DOCK5: variants seen among roughly 807,000 people sequenced by gnomAD.
DOCK5 encodes dedicator of cytokinesis protein 5.
A neutral mutation model predicts 251.8 loss-of-function variants in DOCK5; 142 were observed. The ratio of observed to expected loss-of-function variants is 0.56; its 90% confidence interval spans 0.49 to 0.65. DOCK5 has a LOEUF of 0.65. DOCK5 is among the 30% of genes least tolerant of loss of function. The pLI is 0.00. For missense variants in DOCK5, 2,111 were observed against 2,312.3 expected, an observed-to-expected ratio of 0.91 and a Z score of 1.79; for synonymous variants, 842 against 835.5, an observed-to-expected ratio of 1.01 and a Z score of -0.13.
At position 25,212,129 on chromosome 8, in the gene DOCK5, C is replaced by G. The variant is rs1294728038; in HGVS notation, c.43+27178C>G. Among the ~76,000 whole-genome samples the G allele has an allele frequency of 1.2e-4, 7 of 56,812 alleles. 1 individual carries two copies. Among genetic ancestry groups the G allele is most frequent in the African/African-American group, 2.7e-4 (7 of 25,466 alleles). The allele number at this position is 56,812 out of a possible 152,430, so 37.3% of individuals were successfully genotyped here. On this transcript the variant is annotated intron_variant, in intron 1 of 51. Coordinates refer to ENST00000276440, the MANE Select transcript of DOCK5 (RefSeq NM_024940.8). ...TGAGCCGAGATTATGCCACTGTTTT[C>G]CAGCCTGGGTGACAGAGCGAGACTC...
intron 1 of DOCK5, among the ~76,000 whole-genome samples, chr8:25,241,034 CTT>C (rs1213765440): frequency 6.6e-6 from 1 of 152,166 alleles, no homozygotes; most frequent in Non-Finnish European, 1.5e-5. Context: ...CTCTTTCTCT[CTT>C]ATAAAGATAT....
intron 1 of DOCK5, among the ~76,000 whole-genome samples, chr8:25,195,699 C>A (rs1306486583): frequency 1.3e-5 from 2 of 152,198 alleles, no homozygotes; most frequent in East Asian, 3.8e-4. Flanking sequence ...TTAGAGAGAG[C>A]CTTCTCTGAG....
At chr8:25,343,275 C>G (rs111570975) in intron 25 of DOCK5, among the ~76,000 whole-genome samples, 17 of 151,936 alleles carry the variant, frequency 1.1e-4, no homozygotes, top group African/African-American at 3.6e-4. Flanking sequence ...TCCCAAAGTA[C>G]TGGGATTACA....
At chr8:25,268,616 T>C (rs1002535225) in intron 2 of DOCK5, among the ~76,000 whole-genome samples, 2 of 152,172 alleles carry the variant, frequency 1.3e-5, no homozygotes, top group African/African-American at 4.8e-5. Context: ...GAGGCTAGGT[T>C]CTAAGTGAAT....
At chr8:25,352,648 A>G (rs1406208689) in intron 27 of DOCK5, among the ~76,000 whole-genome samples, 2 of 152,252 alleles carry the variant, frequency 1.3e-5, no homozygotes, top group African/African-American at 4.8e-5. Flanking sequence ...AGAAAAATTC[A>G]TTTATTTCAC....
chr8:25,356,725 A>G (rs547357509), intron 27 of DOCK5, among the ~76,000 whole-genome samples: 75 of 147,710 alleles, frequency 5.1e-4, no homozygotes, highest in African/African-American at 1.8e-3. Flanking sequence ...ACTTCATGCT[A>G]TACCCACAAA....
chr8:25,372,839 G>A (rs1800898505), intron 35 of DOCK5, 121 bp downstream of exon 35: 2 of 957,208 alleles, frequency 2.1e-6, no homozygotes, highest in South Asian at 3.6e-5. Flanking sequence ...TGTGGAGCCG[G>A]TGTCTTCCTA....
At chr8:25,185,368 C>T (rs967280577) in intron 1 of DOCK5, among the ~76,000 whole-genome samples, 2 of 152,178 alleles carry the variant, frequency 1.3e-5, no homozygotes, top group Non-Finnish European at 2.9e-5. Flanking sequence ...CTCATTGTCC[C>T]AGTGCTTTCT....
chr8:25,332,778 A>G (rs1805712553), intron 20 of DOCK5, 86 bp downstream of exon 20: 1 of 955,788 alleles, frequency 1.0e-6, no homozygotes. Context: ...TTGTGTGAAT[A>G]TCTTCTCACA....
intron 28 of DOCK5, among the ~76,000 whole-genome samples, chr8:25,360,431 TG>T (rs569506296): frequency 8.6e-4 from 130 of 150,942 alleles, no homozygotes; most frequent in African/African-American, 3.0e-3. Context: ...GTATGGGGGG[TG>T]GGGGGTGGAG....
At chr8:25,203,064 A>G (rs1376286993) in intron 1 of DOCK5, among the ~76,000 whole-genome samples, 1 of 152,126 alleles carries the variant, frequency 6.6e-6, no homozygotes, top group Admixed American at 6.5e-5. Context: ...GTGCTACCAA[A>G]TACATCTCCA....
At chr8:25,382,811 T>C (rs771855318) in intron 40 of DOCK5, 33 bp downstream of exon 40, 30 of 1,543,858 alleles carry the variant, frequency 1.9e-5, no homozygotes, top group African/African-American at 2.7e-5. Context: ...CCCAGGCCAT[T>C]AGGAGGAGGG....
Position 25,268,903 on chromosome 8 carries a change from C to T in DOCK5, c.168+18C>T, listed in dbSNP as rs1251450874. 1.9e-6 allele frequency: 3 copies of T among 1,543,428 alleles called. No individual in the cohort carries two copies. Among genetic ancestry groups the T allele is most frequent in the South Asian group, 1.2e-5 (1 of 82,984 alleles). On this transcript the variant is annotated intron_variant, in intron 3 of 51. Transcript: ENST00000276440. ...CTAAAAAGGTATGACTTATCATTCA[C>T]TTTTTAATTTCATTTGAAATCTGTC...
intron 2 of DOCK5, among the ~76,000 whole-genome samples, chr8:25,249,636 G>C (rs1803214205): frequency 6.6e-6 from 1 of 152,164 alleles, no homozygotes; most frequent in African/African-American, 2.4e-5. Context: ...GGTCAGGCTG[G>C]AGTGCAGTGG....
intron 5 of DOCK5, among the ~76,000 whole-genome samples, chr8:25,282,370 ATC>A (rs1804216429): frequency 6.6e-6 from 1 of 151,996 alleles, no homozygotes; most frequent in Non-Finnish European, 1.5e-5. Flanking sequence ...AAAAACCCAA[ATC>A]TCTGGTTTTC....
intron 1 of DOCK5, among the ~76,000 whole-genome samples, chr8:25,238,213 A>G (rs1802850207): frequency 6.6e-6 from 1 of 152,182 alleles, no homozygotes; most frequent in Non-Finnish European, 1.5e-5. Flanking sequence ...TCCAGGGCAT[A>G]TCTTCACCAC....
intron 40 of DOCK5, among the ~76,000 whole-genome samples, chr8:25,387,535 A>G (rs566448537): frequency 6.6e-6 from 1 of 152,208 alleles, no homozygotes; most frequent in East Asian, 1.9e-4. Flanking sequence ...CCAGCCTGTG[A>G]GCTTTCAGTT....
intron 45 of DOCK5, among the ~76,000 whole-genome samples, chr8:25,396,204 A>T (rs979239489): frequency 1.3e-5 from 2 of 152,134 alleles, no homozygotes; most frequent in Non-Finnish European, 2.9e-5. Flanking sequence ...ACATGGTGAA[A>T]CCGCGTCTCT....
At chr8:25,197,190 G>A (rs1050096064) in intron 1 of DOCK5, among the ~76,000 whole-genome samples, 44 of 152,216 alleles carry the variant, frequency 2.9e-4, no homozygotes, top group Middle Eastern at 3.4e-3. Flanking sequence ...GCATACCTCC[G>A]GAATAATGGG....
Sources: allele counts gnomAD v4.1 joint callset (sites outside exome capture counted in the v4.1 genomes callset), GRCh38; gene constraint gnomAD v4.1.1; transcripts MANE v1.5; gene names NCBI Gene and HGNC (gene_info 2026-07-23, HGNC 2026-07-21).